The following EPB41L2 variants were observed in gnomAD, a reference collection of about 807,000 sequenced individuals.
The protein encoded by EPB41L2 is band 4.1-like protein 2.
In EPB41L2, 43 loss-of-function variants were observed where a neutral mutation model predicts 113.0. That is an observed-to-expected ratio of 0.38 (90% CI 0.30 to 0.49). The LOEUF is 0.49. Among genes scored for constraint, EPB41L2 ranks in the 20% least tolerant of loss-of-function variants. The pLI is 0.95. For synonymous variants in EPB41L2, 442 were observed against 436.7 expected (o/e 1.01, Z -0.15); for missense variants, 1,147 against 1,223.4 (o/e 0.94, Z 0.93).
intron 3 of EPB41L2, among the ~76,000 whole-genome samples, chr6:130,954,026 T>C (rs1816305052): frequency 6.8e-6 from 1 of 146,898 alleles, no homozygotes; most frequent in Non-Finnish European, 1.5e-5. Flanking sequence ...CCTCTTTTGC[T>C]AGTCCTTTTC....
At chr6:130,977,405 C>G (rs1338978562) in intron 1 of EPB41L2, among the ~76,000 whole-genome samples, 1 of 152,124 alleles carries the variant, frequency 6.6e-6, no homozygotes, top group Non-Finnish European at 1.5e-5. Context: ...ATGTCAGATT[C>G]TTACTAATAA....
At chr6:130,884,219 C>A (rs879483651) in intron 12 of EPB41L2, among the ~76,000 whole-genome samples, 7 of 152,062 alleles carry the variant, frequency 4.6e-5, no homozygotes, top group African/African-American at 1.7e-4. Context: ...CCTGTAATCC[C>A]AGCTACTTGG....
intron 1 of EPB41L2, among the ~76,000 whole-genome samples, chr6:131,039,560 C>T (rs779698919): frequency 2.0e-5 from 3 of 152,142 alleles, no homozygotes; most frequent in African/African-American, 4.8e-5. Flanking sequence ...AAGGTTTCAC[C>T]GTGCTCTGTA....
At chr6:131,024,220 A>G (rs1790299551) in intron 1 of EPB41L2, among the ~76,000 whole-genome samples, 1 of 152,088 alleles carries the variant, frequency 6.6e-6, no homozygotes, top group South Asian at 2.1e-4. Context: ...GGAGAAGAGA[A>G]AGCAGGCAGA....
At chr6:130,992,255 A>T (rs1378250069) in intron 1 of EPB41L2, among the ~76,000 whole-genome samples, 2 of 152,196 alleles carry the variant, frequency 1.3e-5, no homozygotes, top group Non-Finnish European at 2.9e-5. Flanking sequence ...AAAATGGTTC[A>T]GTATGAAAAA....
At chr6:130,976,964 A>T (rs1778326352) in intron 1 of EPB41L2, among the ~76,000 whole-genome samples, 1 of 152,190 alleles carries the variant, frequency 6.6e-6, no homozygotes, top group Non-Finnish European at 1.5e-5. Context: ...ATTACACCAT[A>T]TGTGATAAGG....
chr6:131,049,068 T>C (rs1406456), intron 1 of EPB41L2, among the ~76,000 whole-genome samples: 8,645 of 152,286 alleles, frequency 0.057, 762 homozygotes, highest in African/African-American at 0.19. Context: ...CCTCAATTGG[T>C]AGGAGCCACA....
chr6:130,952,687 G>A (rs1371292513), intron 3 of EPB41L2, among the ~76,000 whole-genome samples: 1 of 152,058 alleles, frequency 6.6e-6, no homozygotes. Flanking sequence ...GCTCATGCCT[G>A]TAATCCCAGC....
intron 19 of EPB41L2, among the ~76,000 whole-genome samples, chr6:130,850,093 C>T (rs1344970024): frequency 6.6e-6 from 1 of 152,118 alleles, no homozygotes; most frequent in Non-Finnish European, 1.5e-5. Context: ...CAAAAATTAG[C>T]TGGGCATGGT....
chr6:130,850,014 A>G (rs374527486), intron 19 of EPB41L2, among the ~76,000 whole-genome samples: 2 of 152,156 alleles, frequency 1.3e-5, no homozygotes, highest in African/African-American at 4.8e-5. Context: ...CGGGTGGATC[A>G]CCTGAGGTCA....
chr6:131,002,316 G>GC (rs1228897921), intron 1 of EPB41L2, among the ~76,000 whole-genome samples: 1 of 152,150 alleles, frequency 6.6e-6, no homozygotes, highest in Non-Finnish European at 1.5e-5. Flanking sequence ...AAGGCCCTCT[G>GC]CTAGCACTAT....
intron 5 of EPB41L2, 123 bp downstream of exon 5, chr6:130,908,698 T>C: frequency 1.6e-6 from 1 of 629,364 alleles, no homozygotes; most frequent in East Asian, 2.9e-5. Flanking sequence ...ATATTATTAG[T>C]ATTATTAACT....
chr6:130,984,173 C>T (rs778651743), intron 1 of EPB41L2, among the ~76,000 whole-genome samples: 20 of 152,124 alleles, frequency 1.3e-4, no homozygotes, highest in Non-Finnish European at 2.6e-4. Flanking sequence ...TCCGCAGGGG[C>T]AATAACATGG....
intron 1 of EPB41L2, among the ~76,000 whole-genome samples, chr6:130,986,592 T>G (rs1052521109): frequency 6.6e-6 from 1 of 151,860 alleles, no homozygotes; most frequent in East Asian, 1.9e-4. Flanking sequence ...TTTTTCTTTT[T>G]TTTTTTTTGA....
chr6:131,051,264 A>G (rs1184623051), intron 1 of EPB41L2, among the ~76,000 whole-genome samples: 1 of 152,064 alleles, frequency 6.6e-6, no homozygotes, highest in African/African-American at 2.4e-5. Flanking sequence ...AACAAGTATA[A>G]TTTTATTATG....
intron 14 of EPB41L2, among the ~76,000 whole-genome samples, chr6:130,873,413 AC>A (rs879378888): frequency 4.7e-5 from 7 of 150,140 alleles, no homozygotes; most frequent in African/African-American, 1.7e-4. Flanking sequence ...ATCATGAAGC[AC>A]CCCCTCATGT....
chr6:130,927,221 T>C (rs561945128), intron 3 of EPB41L2, among the ~76,000 whole-genome samples: 2 of 152,286 alleles, frequency 1.3e-5, no homozygotes, highest in Admixed American at 1.3e-4. Context: ...TATTTACAAT[T>C]TCCTAGAAAA....
chr6:130,920,623 T>C (rs1316096998), intron 4 of EPB41L2, among the ~76,000 whole-genome samples: 1 of 151,906 alleles, frequency 6.6e-6, no homozygotes, highest in Non-Finnish European at 1.5e-5. Flanking sequence ...AGCACCCCTC[T>C]CCCCTCCTCC....
At chr6:131,058,497 T>C (rs988841219) in intron 1 of EPB41L2, among the ~76,000 whole-genome samples, 1 of 152,236 alleles carries the variant, frequency 6.6e-6, no homozygotes, top group Non-Finnish European at 1.5e-5. Flanking sequence ...ATGATATTTC[T>C]ACATGAAACA....
Sources: gnomAD v4.1 joint callset for allele counts (sites outside exome capture counted in the v4.1 genomes callset) on GRCh38, gnomAD v4.1.1 for gene constraint, MANE v1.5 for transcripts, NCBI Gene and HGNC (gene_info 2026-07-23, HGNC 2026-07-21) for gene names.